The following TOX2 variants were observed in gnomAD, a reference collection of about 807,000 sequenced individuals.
TOX2 encodes the protein TOX high mobility group box family member 2, also known as granulosa cell HMG box 1.
A neutral mutation model predicts 47.4 loss-of-function variants in TOX2; 15 were observed. The ratio of observed to expected loss-of-function variants is 0.32; its 90% CI spans 0.21 to 0.49. TOX2 has a LOEUF of 0.49. TOX2 is among the 20% of genes least tolerant of loss of function. The pLI is 0.99. For missense variants in TOX2, 622 were observed against 673.1 expected, an observed-to-expected ratio of 0.92 and a Z score of 0.84; for synonymous variants, 290 against 296.6, an observed-to-expected ratio of 0.98 and a Z score of 0.23.
intron 3 of TOX2, among the ~76,000 whole-genome samples, chr20:44,012,137 C>T (rs1438079779): frequency 2.6e-5 from 4 of 152,148 alleles, no homozygotes; most frequent in African/African-American, 9.7e-5. Context: ...TGTCTCATTT[C>T]GAGAGAGATA....
chr20:44,049,313 A>G (rs1380604632), intron 3 of TOX2, among the ~76,000 whole-genome samples: 1 of 152,218 alleles, frequency 6.6e-6, no homozygotes, highest in Non-Finnish European at 1.5e-5. Context: ...TATTCTTTGT[A>G]AGGACTGTGG....
chr20:44,046,815 T>C (rs1309707428), intron 3 of TOX2, among the ~76,000 whole-genome samples: 1 of 152,216 alleles, frequency 6.6e-6, no homozygotes, highest in Non-Finnish European at 1.5e-5. Flanking sequence ...CAAAAATTGA[T>C]CATACTTTGG....
intron 3 of TOX2, among the ~76,000 whole-genome samples, chr20:44,029,054 A>G (rs905884572): frequency 6.6e-6 from 1 of 152,034 alleles, no homozygotes; most frequent in African/African-American, 2.4e-5. Flanking sequence ...TGGCTCCCCA[A>G]GCTTCGTCCC....
chr20:43,965,510 G>A lies in TOX2; in HGVS notation c.100-7857G>A, dbSNP rs144174421. Among the ~76,000 whole-genome samples the A allele has an allele frequency of 4.9e-3, 743 of 152,266 alleles. 2 individuals carry two copies. The highest frequency in any genetic ancestry group is 0.017 in the African/African-American group (706 of 41,546). On this transcript the variant is annotated intron_variant, in intron 1 of 8. Coordinates refer to ENST00000341197, the MANE Select transcript of TOX2 (RefSeq NM_001098797.2). ...ACATAGTAAGCACGCACAAGAGATCGTTCAATGAACAGTGATTGTTGCCTC... is the reference window on the plus strand; with the variant it reads ...ACATAGTAAGCACGCACAAGAGATCATTCAATGAACAGTGATTGTTGCCTC...
chr20:44,030,313 G>A (rs563115055), intron 3 of TOX2, among the ~76,000 whole-genome samples: 10 of 152,258 alleles, frequency 6.6e-5, no homozygotes, highest in African/African-American at 2.4e-4. Context: ...ATCTATCTGA[G>A]TCTCAGATGG....
At chr20:44,053,824 AAAG>A (rs1429174074) in intron 4 of TOX2, among the ~76,000 whole-genome samples, 2 of 152,024 alleles carry the variant, frequency 1.3e-5, no homozygotes, top group East Asian at 1.9e-4. Context: ...CAACTCTGTA[AAAG>A]AAGATGTTAC....
intron 2 of TOX2, among the ~76,000 whole-genome samples, chr20:44,001,377 C>T (rs1416689216): frequency 6.6e-6 from 1 of 152,184 alleles, no homozygotes; most frequent in Non-Finnish European, 1.5e-5. Flanking sequence ...ATGCTGGGCT[C>T]AGTGCCTGGC....
At chr20:43,920,256 G>A (rs899825738) in intron 1 of TOX2, among the ~76,000 whole-genome samples, 2 of 152,220 alleles carry the variant, frequency 1.3e-5, no homozygotes, top group African/African-American at 4.8e-5. Flanking sequence ...TCTGGGCACA[G>A]CATCTTGTAA....
chr20:43,945,806 A>T (rs2069459025), intron 1 of TOX2: 1 of 1,482,156 alleles, frequency 6.7e-7, no homozygotes, highest in Non-Finnish European at 9.2e-7. Context: ...TACGAATGGG[A>T]TGGGGGGTGG....
At chr20:43,966,112 T>C (rs2069848367) in intron 1 of TOX2, among the ~76,000 whole-genome samples, 1 of 152,214 alleles carries the variant, frequency 6.6e-6, no homozygotes, top group Non-Finnish European at 1.5e-5. Context: ...TGATAACAGA[T>C]ACCAAGAACC....
chr20:43,927,615 T>TTCCCGTC, intron 1 of TOX2, among the ~76,000 whole-genome samples: 1 of 74,982 alleles, frequency 1.3e-5, no homozygotes, highest in African/African-American at 1.5e-4. Flanking sequence ...CTTCCTTCCT[T>TTCCCGTC]CCTTCCTTCC....
intron 4 of TOX2, 79 bp from the exon 5 acceptor site, chr20:44,054,220 C>G: frequency 6.9e-7 from 1 of 1,454,826 alleles, no homozygotes; most frequent in Non-Finnish European, 9.4e-7. Flanking sequence ...AAGTGCAGCT[C>G]GGCCCAAGTC....
intron 4 of TOX2, 89 bp downstream of exon 4, chr20:44,051,634 GT>G: frequency 6.7e-7 from 1 of 1,494,388 alleles, no homozygotes; most frequent in Non-Finnish European, 8.9e-7. Context: ...CCTCCCTCTA[GT>G]AAAGACTAGA....
At chr20:43,957,989 A>G (rs2069696096) in intron 1 of TOX2, among the ~76,000 whole-genome samples, 1 of 152,096 alleles carries the variant, frequency 6.6e-6, no homozygotes, top group African/African-American at 2.4e-5. Flanking sequence ...CCCTCCTCCA[A>G]AATTGGGCAT....
At chr20:44,026,704 C>T (rs1341941192) in intron 3 of TOX2, among the ~76,000 whole-genome samples, 2 of 152,150 alleles carry the variant, frequency 1.3e-5, no homozygotes, top group Admixed American at 1.3e-4. Flanking sequence ...CCCCACACCC[C>T]CTTCATCAAT....
At chr20:43,954,849 A>G (rs532270656) in intron 1 of TOX2, among the ~76,000 whole-genome samples, 1 of 152,328 alleles carries the variant, frequency 6.6e-6, no homozygotes, top group Admixed American at 6.5e-5. Context: ...CTTAATAGCT[A>G]TGAGACCTTG....
rs1181341158 is a variant in TOX2 at position 44,069,592 on chromosome 20, A to G, written c.*906A>G. The G allele has an allele frequency of 6.6e-6, 1 of 152,628 alleles. No individual in the cohort carries two copies. Among genetic ancestry groups the G allele is most frequent in the Non-Finnish European group, 1.5e-5 (1 of 68,088 alleles). 9.5% of individuals were successfully genotyped at this position (152,628 alleles called of 1,614,324 possible). On this transcript the variant is annotated 3_prime_UTR_variant, in exon 9 of 9. Coordinates refer to ENST00000341197, the MANE Select transcript of TOX2 (RefSeq NM_001098797.2). ...CAGTGCTTCTCTCAAATCTCTTTAT[A>G]ATAAAACTTCTGAAAAGCTGAAAAC...
intron 3 of TOX2, among the ~76,000 whole-genome samples, chr20:44,042,893 C>T (rs954056792): frequency 6.6e-6 from 1 of 152,010 alleles, no homozygotes; most frequent in African/African-American, 2.4e-5. Flanking sequence ...GGAGGTGGAA[C>T]CAATAATGGC....
At chr20:43,963,327 A>G (rs2145435627) in intron 1 of TOX2, among the ~76,000 whole-genome samples, 1 of 152,314 alleles carries the variant, frequency 6.6e-6, no homozygotes, top group South Asian at 2.1e-4. Flanking sequence ...GGGGGTGGGG[A>G]CAAGGGTCCT....
Sources: allele counts gnomAD v4.1 joint callset (sites outside exome capture counted in the v4.1 genomes callset), GRCh38; gene constraint gnomAD v4.1.1; transcripts MANE v1.5; gene names NCBI Gene and HGNC (gene_info 2026-07-23, HGNC 2026-07-21).